The following SNTG2 variants were observed in gnomAD, a reference collection of about 807,000 sequenced individuals.
SNTG2 encodes gamma-2-syntrophin.
A neutral mutation model predicts 70.9 loss-of-function variants in SNTG2; 74 were observed. The observed-to-expected ratio is 1.04, with a 90% CI of 0.86 to 1.27. The LOEUF (loss-of-function observed/expected upper bound fraction) is 1.27. SNTG2 is among the 50% of genes most tolerant of loss of function. The pLI, the probability that SNTG2 is intolerant of heterozygous loss-of-function variation, is 0.00. For synonymous variants in SNTG2, 278 were observed against 273.8 expected (o/e 1.02, Z -0.15); for missense variants, 717 against 690.7 (o/e 1.04, Z -0.43).
intron 1 of SNTG2, among the ~76,000 whole-genome samples, chr2:1,012,146 G>A (rs758139283): frequency 1.9e-4 from 29 of 152,092 alleles, no homozygotes; most frequent in Non-Finnish European, 3.8e-4. Flanking sequence ...CAATCAATAC[G>A]AGCAACGATC....
intron 4 of SNTG2, among the ~76,000 whole-genome samples, chr2:1,132,246 T>TATACAC (rs1553335385): frequency 2.6e-5 from 4 of 151,010 alleles, no homozygotes; most frequent in African/African-American, 9.7e-5. Flanking sequence ...TGTATATATA[T>TATACAC]ACACACACAC....
intron 1 of SNTG2, among the ~76,000 whole-genome samples, chr2:972,347 A>G (rs1222067489): frequency 6.6e-6 from 1 of 152,160 alleles, no homozygotes; most frequent in African/African-American, 2.4e-5. Context: ...AGCATAGTTA[A>G]GTCTCCTTGA....
chr2:970,139 G>A (rs4341971), intron 1 of SNTG2, among the ~76,000 whole-genome samples: 51,710 of 152,070 alleles, frequency 0.34, 9,532 homozygotes, highest in Middle Eastern at 0.46. Flanking sequence ...TTGGTTTTTA[G>A]TTACATTTAT....
intron 12 of SNTG2, among the ~76,000 whole-genome samples, chr2:1,247,661 C>T (rs947234050): frequency 6.6e-6 from 1 of 152,114 alleles, no homozygotes; most frequent in African/African-American, 2.4e-5. Flanking sequence ...TTCAAATAGC[C>T]ATTAAGATAT....
chr2:1,202,822 A>G (rs1673361162), intron 8 of SNTG2, among the ~76,000 whole-genome samples: 2 of 152,200 alleles, frequency 1.3e-5, no homozygotes, highest in Non-Finnish European at 2.9e-5. Flanking sequence ...CAAGAGAAAC[A>G]TTTTATTATG....
At chr2:1,088,788 C>A (rs563348844) in intron 2 of SNTG2, among the ~76,000 whole-genome samples, 2 of 152,198 alleles carry the variant, frequency 1.3e-5, no homozygotes, top group African/African-American at 4.8e-5. Context: ...ATCCTTCTTA[C>A]GAAAATCACT....
At chr2:1,265,779 C>T (rs972984135) in intron 13 of SNTG2, among the ~76,000 whole-genome samples, 6 of 152,260 alleles carry the variant, frequency 3.9e-5, no homozygotes, top group Non-Finnish European at 8.8e-5. Context: ...ATCTCAGAAT[C>T]ATGATGGGAA....
In SNTG2 at chr2:1,267,280, C is replaced by T. The variant is rs547481951; in HGVS notation, c.1078-85C>T. 3.6e-4 allele frequency: 462 copies of T among 1,299,370 alleles called. 7 individuals carry two copies. The South Asian group carries it at 4.5e-3, about 13-fold the overall frequency. The allele number at this position is 1,299,370 out of a possible 1,614,324, so 80.5% of individuals were successfully genotyped here. A position where few individuals can be genotyped will look rare whatever the true frequency, so the allele number is the denominator to read the frequency against. On this transcript the variant is annotated intron_variant, in intron 13 of 16. Transcript: ENST00000308624. Reference sequence around the variant, plus strand: ...GAGACCGTTTCCCAGATCACGCAAACGCTGCCTTCTCCCCACACCAGGGCC... The same window carrying T: ...GAGACCGTTTCCCAGATCACGCAAATGCTGCCTTCTCCCCACACCAGGGCC...
At chr2:1,357,764 T>C (rs752048383) in intron 16 of SNTG2, among the ~76,000 whole-genome samples, 6 of 152,080 alleles carry the variant, frequency 3.9e-5, no homozygotes, top group Admixed American at 1.3e-4. Context: ...TCTAGGAATT[T>C]ATCCAATTTT....
chr2:1,253,182 C>T (rs928411430), intron 12 of SNTG2, among the ~76,000 whole-genome samples: 2 of 152,220 alleles, frequency 1.3e-5, no homozygotes, highest in African/African-American at 4.8e-5. Flanking sequence ...GCACGTGGGG[C>T]CATGACTCTC....
chr2:1,240,794 TCTAA>T (rs1288415315), intron 11 of SNTG2, among the ~76,000 whole-genome samples: 2 of 152,238 alleles, frequency 1.3e-5, no homozygotes, highest in African/African-American at 4.8e-5. Flanking sequence ...AAATGGTTCT[TCTAA>T]CTTTTATCTC....
At chr2:1,186,279 G>A (rs28762470) in intron 8 of SNTG2, among the ~76,000 whole-genome samples, 150,422 of 152,302 alleles carry the variant, frequency 0.99, 74,303 homozygotes, top group Middle Eastern at 1. Flanking sequence ...TCACAACTTA[G>A]CAAGTCTCTA....
At chr2:1,178,616 C>T (rs551787477) in intron 8 of SNTG2, among the ~76,000 whole-genome samples, 38 of 152,170 alleles carry the variant, frequency 2.5e-4, no homozygotes, top group Non-Finnish European at 1.5e-4. Context: ...CATTGATTTG[C>T]GTATGTTGAA....
chr2:1,243,126 C>A (rs576033790), intron 11 of SNTG2, among the ~76,000 whole-genome samples: 28 of 152,320 alleles, frequency 1.8e-4, no homozygotes, highest in South Asian at 6.2e-4. Context: ...TTTAATTAAG[C>A]TCATGCAACT....
Position 1,327,340 on chromosome 2 carries a change from C to T in SNTG2, c.1488+10965C>T, listed in dbSNP as rs140444162. The stretch of plus-strand genomic sequence containing the variant: ...ATAAGGCAAAATATATAAGCTTAAA[C>T]TCATATTTAATAATTGCTGTCTTAG... On this transcript the variant is annotated intron_variant, in intron 16 of 16. Transcript: ENST00000308624. 4.4e-3 allele frequency among the ~76,000 whole-genome samples: 663 copies of T among 152,106 alleles called. 4 individuals are homozygous for T. Among genetic ancestry groups the T allele is most frequent in the African/African-American group, 0.015 (627 of 41,506 alleles).
At chr2:951,098 C>T in intron 1 of SNTG2, 30 bp downstream of exon 1, 2 of 1,177,978 alleles carry the variant, frequency 1.7e-6, no homozygotes. Context: ...GCCCCTTCAC[C>T]TCCGGCCCCC....
intron 16 of SNTG2, among the ~76,000 whole-genome samples, chr2:1,320,006 A>G (rs1681446335): frequency 6.6e-6 from 1 of 152,218 alleles, no homozygotes; most frequent in African/African-American, 2.4e-5. Flanking sequence ...ATTAACCAGG[A>G]GTGCCAGAGA....
chr2:1,321,260 A>T (rs778049850), intron 16 of SNTG2, among the ~76,000 whole-genome samples: 5 of 152,202 alleles, frequency 3.3e-5, no homozygotes, highest in Non-Finnish European at 5.9e-5. Context: ...CCACATATAT[A>T]TCCATGAAGC....
chr2:1,262,396 A>G (rs1440088452), intron 13 of SNTG2, among the ~76,000 whole-genome samples: 2 of 152,188 alleles, frequency 1.3e-5, no homozygotes, highest in Non-Finnish European at 2.9e-5. Flanking sequence ...CAGTGATCAC[A>G]TTTTGAAGGG....
Sources: allele counts gnomAD v4.1 joint callset (sites outside exome capture counted in the v4.1 genomes callset), GRCh38; gene constraint gnomAD v4.1.1; transcripts MANE v1.5; gene names NCBI Gene and HGNC (gene_info 2026-07-23, HGNC 2026-07-21).